ARB2A: variants seen among roughly 807,000 people sequenced by gnomAD.
ARB2A encodes cotranscriptional regulator ARB2A.
chr5:94,095,020 TAC>T, the ARB2A span, among the ~76,000 whole-genome samples: 4 of 152,188 alleles, frequency 2.6e-5, no homozygotes, highest in African/African-American at 9.6e-5. Flanking sequence ...TGTTTAACAA[TAC>T]ACACAGAGTA....
the ARB2A span, among the ~76,000 whole-genome samples, chr5:93,967,180 C>T: frequency 6.6e-6 from 1 of 151,924 alleles, no homozygotes; most frequent in African/African-American, 2.4e-5. Flanking sequence ...TATTTCTTTC[C>T]AAATGTCATC....
chr5:93,880,224 T>A, the ARB2A span, among the ~76,000 whole-genome samples: 1 of 151,804 alleles, frequency 6.6e-6, no homozygotes, highest in Non-Finnish European at 1.5e-5. Context: ...CTTGTCAGGA[T>A]ACATTTTTGG....
the ARB2A span, among the ~76,000 whole-genome samples, chr5:93,839,319 C>A: frequency 1.3e-5 from 2 of 151,966 alleles, no homozygotes; most frequent in Non-Finnish European, 2.9e-5. Flanking sequence ...TCTTTAGTTT[C>A]ATGTGATTAA....
the ARB2A span, among the ~76,000 whole-genome samples, chr5:93,766,285 C>T: frequency 2.4e-4 from 37 of 152,244 alleles, no homozygotes; most frequent in Admixed American, 8.5e-4. Context: ...TTGCAATCCA[C>T]TCATCTGACA....
At chr5:94,102,952 T>A in the ARB2A span, among the ~76,000 whole-genome samples, 1 of 152,048 alleles carries the variant, frequency 6.6e-6, no homozygotes, top group Non-Finnish European at 1.5e-5. Flanking sequence ...AAAATCCTTT[T>A]CAGATAAGCA....
chr5:93,773,683 A>G, the ARB2A span, among the ~76,000 whole-genome samples: 1 of 152,200 alleles, frequency 6.6e-6, no homozygotes, highest in African/African-American at 2.4e-5. Flanking sequence ...GCAAGTCTAT[A>G]GGAGCCATTT....
chr5:94,106,882 A>C, the ARB2A span, among the ~76,000 whole-genome samples: 29 of 151,098 alleles, frequency 1.9e-4, no homozygotes, highest in South Asian at 4.0e-3. Flanking sequence ...AAAAAAAAAA[A>C]AAAAAAAAAA....
chr5:93,937,716 G>GT, the ARB2A span, among the ~76,000 whole-genome samples: 2 of 152,134 alleles, frequency 1.3e-5, no homozygotes, highest in Admixed American at 6.5e-5. Context: ...ATGGGGAATT[G>GT]TTTCCATGAC....
chr5:93,958,798 C>A, the ARB2A span: 1 of 1,546,964 alleles, frequency 6.5e-7, no homozygotes, highest in Non-Finnish European at 8.7e-7. Context: ...TTTTAATAAA[C>A]GGTATCTGTG....
At chr5:93,779,090 A>AGTGT in the ARB2A span, among the ~76,000 whole-genome samples, 15,737 of 143,260 alleles carry the variant, frequency 0.11, 911 homozygotes, top group Non-Finnish European at 0.13. Context: ...GTCATTTCAG[A>AGTGT]GTGTGTGTGT....
the ARB2A span, among the ~76,000 whole-genome samples, chr5:93,663,158 C>T: frequency 6.6e-6 from 1 of 152,160 alleles, no homozygotes. Flanking sequence ...AATCACAGCA[C>T]CAACTCTCTT....
chr5:93,929,165 T>G, the ARB2A span, among the ~76,000 whole-genome samples: 5 of 152,168 alleles, frequency 3.3e-5, no homozygotes, highest in African/African-American at 1.2e-4. Context: ...AAAATAATTC[T>G]GTTCTTTTCA....
the ARB2A span, among the ~76,000 whole-genome samples, chr5:93,845,998 G>C: frequency 2.3e-4 from 17 of 74,164 alleles, no homozygotes; most frequent in Admixed American, 9.9e-4. Flanking sequence ...CTCTCTCTCT[G>C]TGACACACAC....
chr5:93,963,170 G>C, the ARB2A span, among the ~76,000 whole-genome samples: 5 of 151,938 alleles, frequency 3.3e-5, no homozygotes, highest in African/African-American at 9.7e-5. Context: ...ATTCTACCCT[G>C]ACTTTCCAGA....
chr5:93,830,289 ATG>A, the ARB2A span, among the ~76,000 whole-genome samples: 3 of 35,516 alleles, frequency 8.4e-5, no homozygotes, highest in African/African-American at 2.8e-4. Context: ...ATATATTTAT[ATG>A]TATATATATG....
the ARB2A span, among the ~76,000 whole-genome samples, chr5:94,060,857 A>T: frequency 1.3e-5 from 2 of 152,216 alleles, no homozygotes; most frequent in African/African-American, 2.4e-5. Context: ...CAAAAAATCA[A>T]CATGTAATCC....
the ARB2A span, among the ~76,000 whole-genome samples, chr5:93,919,611 G>T: frequency 6.6e-6 from 1 of 152,190 alleles, no homozygotes; most frequent in Admixed American, 6.5e-5. Context: ...TGTAAGTTTA[G>T]GTTATTAATT....
At chr5:94,047,117 G>T in the ARB2A span, among the ~76,000 whole-genome samples, 1 of 152,080 alleles carries the variant, frequency 6.6e-6, no homozygotes, top group Non-Finnish European at 1.5e-5. Flanking sequence ...GTTTACTTTT[G>T]ATCAAAATAT....
At chr5:93,874,744 T>C in the ARB2A span, among the ~76,000 whole-genome samples, 1 of 152,062 alleles carries the variant, frequency 6.6e-6, no homozygotes, top group Non-Finnish European at 1.5e-5. Context: ...GGCAGTCTTG[T>C]GAAACTGAAC....
Sources: allele counts gnomAD v4.1 joint callset (sites outside exome capture counted in the v4.1 genomes callset), GRCh38; gene constraint gnomAD v4.1.1; transcripts MANE v1.5; gene names NCBI Gene and HGNC (gene_info 2026-07-23, HGNC 2026-07-21).